CYFIP2: variants seen among roughly 807,000 people sequenced by gnomAD.
CYFIP2 encodes cytoplasmic FMR1-interacting protein 2.
A neutral mutation model predicts 158.7 loss-of-function variants in CYFIP2; 29 were observed. That is an observed-to-expected ratio of 0.18 (90% CI 0.14 to 0.25). The LOEUF is 0.25. CYFIP2 is among the 10% of genes least tolerant of loss of function. CYFIP2 has a pLI of 1.00. For synonymous variants in CYFIP2, 585 were observed against 617.6 expected (o/e 0.95, Z 0.78); for missense variants, 852 against 1,639.5 (o/e 0.52, Z 8.29).
At chr5:157,353,887 C>T (rs1377747625) in intron 23 of CYFIP2, among the ~76,000 whole-genome samples, 1 of 152,146 alleles carries the variant, frequency 6.6e-6, no homozygotes, top group East Asian at 1.9e-4. Flanking sequence ...TTCAGTTTAC[C>T]AAGTAAATAG....
chr5:157,293,676 T>C, intron 3 of CYFIP2, among the ~76,000 whole-genome samples: 1 of 152,124 alleles, frequency 6.6e-6, no homozygotes, highest in Admixed American at 6.5e-5. Flanking sequence ...TACGTAATAA[T>C]GTAATCACCT....
At chr5:157,347,511 C>T (rs1336364241) in intron 23 of CYFIP2, among the ~76,000 whole-genome samples, 1 of 152,100 alleles carries the variant, frequency 6.6e-6, no homozygotes, top group Non-Finnish European at 1.5e-5. Context: ...TCTTCCCATG[C>T]GAGCACAGCC....
At chr5:157,336,222 AT>A (rs2113210850) in intron 21 of CYFIP2, among the ~76,000 whole-genome samples, 1 of 152,268 alleles carries the variant, frequency 6.6e-6, no homozygotes, top group African/African-American at 2.4e-5. Context: ...GGTTGCAAAG[AT>A]TTGGGGAGTT....
chr5:157,354,295 T>C (rs1463517737), intron 23 of CYFIP2, among the ~76,000 whole-genome samples: 1 of 152,192 alleles, frequency 6.6e-6, no homozygotes, highest in East Asian at 1.9e-4. Context: ...GCAGGATACA[T>C]AATTAGTTTC....
chr5:157,303,469 C>T (rs919197915), intron 7 of CYFIP2, among the ~76,000 whole-genome samples: 1 of 152,220 alleles, frequency 6.6e-6, no homozygotes, highest in African/African-American at 2.4e-5. Context: ...ACAAGCATAA[C>T]TGTCACTTCA....
chr5:157,383,680 A>C, intron 28 of CYFIP2: 1 of 209,256 alleles, frequency 4.8e-6, no homozygotes, highest in Non-Finnish European at 9.7e-6. Flanking sequence ...AACTCCACAT[A>C]CTCTGTGAGC....
chr5:157,326,641 G>A (rs1400705944), intron 18 of CYFIP2, among the ~76,000 whole-genome samples: 1 of 152,236 alleles, frequency 6.6e-6, no homozygotes, highest in Admixed American at 6.5e-5. Context: ...GGGAAGCCAG[G>A]GAAGAGAGCA....
chr5:157,354,480 G>A (rs1763279161), intron 23 of CYFIP2, among the ~76,000 whole-genome samples: 1 of 152,026 alleles, frequency 6.6e-6, no homozygotes, highest in Admixed American at 6.6e-5. Flanking sequence ...GAGCCAGCAG[G>A]TCAGATGGGT....
intron 1 of CYFIP2, among the ~76,000 whole-genome samples, chr5:157,281,253 C>A (rs1347697395): frequency 1.3e-5 from 2 of 152,130 alleles, no homozygotes; most frequent in Non-Finnish European, 2.9e-5. Context: ...CATCATTAAG[C>A]ACATAATATC....
At chr5:157,340,741 C>T (rs1269604256) in intron 22 of CYFIP2, among the ~76,000 whole-genome samples, 2 of 152,112 alleles carry the variant, frequency 1.3e-5, no homozygotes, top group African/African-American at 4.8e-5. Context: ...CTGAACTCTG[C>T]TCTTGAGAAA....
chr5:157,328,196 T>A, intron 19 of CYFIP2, 147 bp downstream of exon 19: 1 of 726,506 alleles, frequency 1.4e-6, no homozygotes, highest in Non-Finnish European at 2.2e-6. Context: ...TGAGATAGAG[T>A]GGAAAGGAAA....
intron 23 of CYFIP2, among the ~76,000 whole-genome samples, chr5:157,346,347 T>G (rs1462077034): frequency 6.6e-6 from 1 of 152,162 alleles, no homozygotes; most frequent in Non-Finnish European, 1.5e-5. Flanking sequence ...TGTGACCTGA[T>G]TTAGAAATAG....
intron 12 of CYFIP2, 60 bp from the exon 13 acceptor site, chr5:157,314,909 C>T: frequency 2.3e-6 from 3 of 1,313,312 alleles, no homozygotes; most frequent in Non-Finnish European, 3.2e-6. Flanking sequence ...ATGGATCCAC[C>T]ACATTCTGTT....
chr5:157,281,490 G>T (rs1483299677), intron 1 of CYFIP2, among the ~76,000 whole-genome samples: 1 of 152,082 alleles, frequency 6.6e-6, no homozygotes, highest in Non-Finnish European at 1.5e-5. Flanking sequence ...TCAACATAAA[G>T]GTTGGTTCAC....
intron 23 of CYFIP2, among the ~76,000 whole-genome samples, chr5:157,353,627 G>A (rs1387825764): frequency 6.6e-6 from 1 of 152,188 alleles, no homozygotes; most frequent in East Asian, 1.9e-4. Context: ...CTTGCTCTGT[G>A]ATCTTCCCGA....
chr5:157,366,463 T>G (rs1382817207), intron 26 of CYFIP2, among the ~76,000 whole-genome samples: 1 of 152,250 alleles, frequency 6.6e-6, no homozygotes, highest in African/African-American at 2.4e-5. Context: ...GGCTATCCTC[T>G]GAAAGTTTTA....
At chr5:157,355,246 C>G (rs1004678392) in intron 23 of CYFIP2, among the ~76,000 whole-genome samples, 1 of 152,144 alleles carries the variant, frequency 6.6e-6, no homozygotes, top group South Asian at 2.1e-4. Flanking sequence ...CATAAAATTA[C>G]CCCCCACATA....
intron 26 of CYFIP2, among the ~76,000 whole-genome samples, chr5:157,366,748 G>A (rs1764410043): frequency 6.6e-6 from 1 of 152,166 alleles, no homozygotes; most frequent in Admixed American, 6.5e-5. Context: ...TATGTATCAG[G>A]TTTTTAAAGG....
intron 6 of CYFIP2, 46 bp downstream of exon 6, chr5:157,300,942 C>A: frequency 6.8e-7 from 1 of 1,467,386 alleles, no homozygotes; most frequent in Non-Finnish European, 9.1e-7. Context: ...CAGGCCCCTC[C>A]TCCAGGGCTG....
Sources: allele counts gnomAD v4.1 joint callset (sites outside exome capture counted in the v4.1 genomes callset), GRCh38; gene constraint gnomAD v4.1.1; transcripts MANE v1.5; gene names NCBI Gene and HGNC (gene_info 2026-07-23, HGNC 2026-07-21).